Variants in PLCB4 observed in about 807,000 individuals in gnomAD.
PLCB4 encodes 1-phosphatidylinositol 4,5-bisphosphate phosphodiesterase beta-4.
A neutral mutation model predicts 178.8 loss-of-function variants in PLCB4; 77 were observed. That is an observed-to-expected ratio of 0.43 (90% CI 0.36 to 0.52). The LOEUF is 0.52. Ranked by LOEUF, PLCB4 falls within the 20% of genes least tolerant of loss-of-function variation. The pLI is 0.00. For missense variants in PLCB4, 1,024 were observed against 1,453.4 expected (o/e 0.70, Z 4.80); for synonymous variants, 496 against 490.8 (o/e 1.01, Z -0.14).
chr20:9,476,455 C>G (rs1206558766), intron 38 of PLCB4, among the ~76,000 whole-genome samples: 2 of 152,108 alleles, frequency 1.3e-5, no homozygotes, highest in African/African-American at 4.8e-5. Context: ...GCTTAAAGGC[C>G]AGGTTCTCCA....
At chr20:9,416,397 A>G (rs1383351914) in intron 25 of PLCB4, among the ~76,000 whole-genome samples, 1 of 152,114 alleles carries the variant, frequency 6.6e-6, no homozygotes, top group Non-Finnish European at 1.5e-5. Context: ...TCCTGTATTC[A>G]TCCAAGTCCC....
chr20:9,287,853 A>T (rs1375436853), intron 3 of PLCB4, among the ~76,000 whole-genome samples: 1 of 152,084 alleles, frequency 6.6e-6, no homozygotes, highest in Non-Finnish European at 1.5e-5. Context: ...ATTTCTTCAG[A>T]TCTCTTATGT....
chr20:9,259,193 C>T (rs2094271029), intron 3 of PLCB4, among the ~76,000 whole-genome samples: 1 of 152,116 alleles, frequency 6.6e-6, no homozygotes, highest in South Asian at 2.1e-4. Flanking sequence ...GCTCCTTCTT[C>T]TCAGTTTTTC....
intron 4 of PLCB4, among the ~76,000 whole-genome samples, chr20:9,308,398 A>G (rs1371322447): frequency 6.6e-6 from 1 of 152,156 alleles, no homozygotes; most frequent in Non-Finnish European, 1.5e-5. Context: ...CAAGGTGGTG[A>G]TGACTCCAGA....
intron 3 of PLCB4, among the ~76,000 whole-genome samples, chr20:9,257,935 C>T: frequency 6.6e-6 from 1 of 152,100 alleles, no homozygotes; most frequent in East Asian, 1.9e-4. Context: ...GAAATTAAGT[C>T]TGATTGTTGA....
chr20:9,255,023 A>C (rs2094218936), intron 3 of PLCB4, among the ~76,000 whole-genome samples: 1 of 152,178 alleles, frequency 6.6e-6, no homozygotes, highest in African/African-American at 2.4e-5. Context: ...GATAAACCAA[A>C]TAATAATAAT....
intron 25 of PLCB4, 69 bp downstream of exon 25, chr20:9,411,157 T>C (rs560162661): frequency 3.8e-6 from 4 of 1,055,496 alleles, no homozygotes; most frequent in Admixed American, 1.9e-5. Flanking sequence ...AATGAAGCCA[T>C]GTCATTTTCA....
At chr20:9,427,871 G>A (rs1319359969) in intron 28 of PLCB4, among the ~76,000 whole-genome samples, 3 of 152,178 alleles carry the variant, frequency 2.0e-5, no homozygotes, top group African/African-American at 7.2e-5. Context: ...ACTCCCCGCT[G>A]TGTTTCATGA....
At chr20:9,232,002 G>T (rs2147355138) in intron 3 of PLCB4, among the ~76,000 whole-genome samples, 1 of 152,280 alleles carries the variant, frequency 6.6e-6, no homozygotes, top group East Asian at 1.9e-4. Flanking sequence ...CAAACAACAA[G>T]TTGGATGAAC....
intron 24 of PLCB4, among the ~76,000 whole-genome samples, chr20:9,410,023 T>C (rs2039744780): frequency 6.6e-6 from 1 of 152,228 alleles, no homozygotes; most frequent in Non-Finnish European, 1.5e-5. Flanking sequence ...GAACTGCCCA[T>C]GCTTCCCAAT....
chr20:9,244,565 G>A (rs902585086), intron 3 of PLCB4, among the ~76,000 whole-genome samples: 2 of 152,190 alleles, frequency 1.3e-5, no homozygotes, highest in Non-Finnish European at 1.5e-5. Flanking sequence ...TTCTGTCTAC[G>A]TGTGATTGAA....
At chr20:9,190,391 T>A (rs2093386650) in intron 2 of PLCB4, among the ~76,000 whole-genome samples, 1 of 152,172 alleles carries the variant, frequency 6.6e-6, no homozygotes, top group African/African-American at 2.4e-5. Context: ...CTCACACTTC[T>A]CTCTCCTGCC....
At chr20:9,193,435 G>A (rs1321679725) in intron 2 of PLCB4, among the ~76,000 whole-genome samples, 2 of 152,122 alleles carry the variant, frequency 1.3e-5, no homozygotes, top group South Asian at 2.1e-4. Context: ...AGCTGCCCAG[G>A]GTTATTTCCA....
At chr20:9,081,768 C>CAACAAA in intron 1 of PLCB4, among the ~76,000 whole-genome samples, 1 of 90,470 alleles carries the variant, frequency 1.1e-5, no homozygotes, top group Non-Finnish European at 2.0e-5. Context: ...GATGATTAAG[C>CAACAAA]AAAAAAAAAA....
chr20:9,137,619 T>G (rs1406552744), intron 2 of PLCB4, among the ~76,000 whole-genome samples: 2 of 152,086 alleles, frequency 1.3e-5, no homozygotes, highest in Non-Finnish European at 1.5e-5. Context: ...AAGGGTGAAA[T>G]GGATCTATCC....
chr20:9,461,518 A>G (rs2043391103), intron 35 of PLCB4, among the ~76,000 whole-genome samples: 1 of 152,240 alleles, frequency 6.6e-6, no homozygotes, highest in Admixed American at 6.5e-5. Context: ...GGAAGCCGTG[A>G]CAGACTGTCT....
In PLCB4 at chr20:9,435,542, G is replaced by GT. The variant is rs2041712981; in HGVS notation, c.2525-18_2525-17insT. ...AAAACAGAGAATTAACGGCTCATTG[G>GT]GTTTTTTTTTCCCCTAGATATCGTG... On this transcript the variant is annotated splice_polypyrimidine_tract_variant and intron_variant, in intron 28 of 39. Coordinates refer to ENST00000378473, the MANE Select transcript of PLCB4 (RefSeq NM_001377142.1). 5 of 1,445,688 alleles carry GT rather than the reference G, an allele frequency of 3.5e-6. No homozygotes were observed. The African/African-American group carries it at 4.2e-5, about 12-fold the overall frequency. 89.6% of individuals were successfully genotyped at this position (1,445,688 alleles called of 1,614,324 possible). A position where few individuals can be genotyped will look rare whatever the true frequency, so the allele number is the denominator to read the frequency against.
chr20:9,180,617 G>A lies in PLCB4; in HGVS notation c.-78-36773G>A, dbSNP rs78430878. On this transcript the variant is annotated intron_variant, in intron 2 of 39. Transcript: ENST00000378473. ...TATAACTGCTGCCTTTCACACAAAG[G>A]TGGGACTCTTGCTAAGCTGCTAGAG... 3.8e-3 allele frequency among the ~76,000 whole-genome samples: 575 copies of A among 152,250 alleles called. 2 individuals are homozygous for A. Among genetic ancestry groups the A allele is most frequent in the Middle Eastern group, 0.017 (5 of 294 alleles).
intron 30 of PLCB4, among the ~76,000 whole-genome samples, chr20:9,438,366 A>T (rs2041907220): frequency 8.2e-6 from 1 of 122,636 alleles, no homozygotes; most frequent in Non-Finnish European, 1.6e-5. Context: ...ACTATATCTT[A>T]AAAAAAAAAA....
Sources: allele counts gnomAD v4.1 joint callset (sites outside exome capture counted in the v4.1 genomes callset), GRCh38; gene constraint gnomAD v4.1.1; transcripts MANE v1.5; gene names NCBI Gene and HGNC (gene_info 2026-07-23, HGNC 2026-07-21).